Variants in ANKRD42 observed in about 807,000 individuals in gnomAD.
The protein encoded by ANKRD42 is ankyrin repeat domain-containing protein 42.
In ANKRD42, 43 loss-of-function variants were observed where a neutral mutation model predicts 51.5. The observed-to-expected ratio is 0.83, with a 90% CI of 0.65 to 1.08. The LOEUF (loss-of-function observed/expected upper bound fraction) is 1.08. Ranked by LOEUF, ANKRD42 falls within the 50% of genes least tolerant of loss-of-function variation. The pLI is 0.00. For missense variants in ANKRD42, 608 were observed against 629.3 expected (o/e 0.97, Z 0.36); for synonymous variants, 203 against 213.0 (o/e 0.95, Z 0.41).
intron 7 of ANKRD42, 38 bp from the exon 8 acceptor site, chr11:83,236,366 T>A: frequency 6.5e-7 from 1 of 1,540,202 alleles, no homozygotes; most frequent in African/African-American, 1.4e-5. Flanking sequence ...CTAACTTTTT[T>A]GTGTGTAATT....
At chr11:83,210,809 C>A (rs1862286050) in intron 4 of ANKRD42, among the ~76,000 whole-genome samples, 1 of 152,086 alleles carries the variant, frequency 6.6e-6, no homozygotes, top group Non-Finnish European at 1.5e-5. Context: ...TGATTTATTT[C>A]TTCAGAAATT....
intron 7 of ANKRD42, among the ~76,000 whole-genome samples, chr11:83,235,145 A>T (rs1863187673): frequency 6.6e-6 from 1 of 152,238 alleles, no homozygotes; most frequent in Non-Finnish European, 1.5e-5. Context: ...TTACACAATT[A>T]TACCATAAAA....
chr11:83,198,241 G>A (rs1334372133), intron 1 of ANKRD42, among the ~76,000 whole-genome samples: 2 of 152,316 alleles, frequency 1.3e-5, no homozygotes, highest in Non-Finnish European at 1.5e-5. Context: ...TCCAAGAAAA[G>A]TTGTTCATTT....
chr11:83,222,986 A>T (rs905504976), intron 5 of ANKRD42, among the ~76,000 whole-genome samples: 1 of 152,168 alleles, frequency 6.6e-6, no homozygotes, highest in Non-Finnish European at 1.5e-5. Flanking sequence ...ATGGTGGCCC[A>T]TGCTTGTAGT....
chr11:83,224,976 C>T lies in ANKRD42; in HGVS notation c.708C>T (p.Ala236=). ...ATGGAGAAAATGTACTGGATTTGGC[C>T]CAGAGGTTCTTCAAGCAGAACATTT... ...NDNGENVLDL[A]QRFFKQNILQ... The change falls in exon 6 of 11, where the codon GCC becomes GCT. Residue 236 remains alanine, a synonymous_variant. Coordinates refer to ENST00000533342, the MANE Select transcript of ANKRD42 (RefSeq NM_001300975.2). 1 of 1,613,452 alleles carries T rather than the reference C, an allele frequency of 6.2e-7. No individual in the cohort carries two copies. The highest frequency in any genetic ancestry group is 8.5e-7 in the Non-Finnish European group (1 of 1,179,694).
intron 5 of ANKRD42, chr11:83,212,982 G>A (rs539566337): frequency 1.0e-5 from 16 of 1,595,358 alleles, no homozygotes; most frequent in Non-Finnish European, 1.4e-5. Context: ...TACGGAGGTG[G>A]CAGCCATCTC....
At chr11:83,242,643 G>A (rs201504078) in intron 9 of ANKRD42, among the ~76,000 whole-genome samples, 3 of 146,296 alleles carry the variant, frequency 2.1e-5, no homozygotes, top group East Asian at 4.1e-4. Context: ...TTGGCTCACT[G>A]CAACCTCCGC....
intron 9 of ANKRD42, among the ~76,000 whole-genome samples, chr11:83,243,476 T>A (rs1344426295): frequency 6.6e-6 from 1 of 152,184 alleles, no homozygotes; most frequent in Non-Finnish European, 1.5e-5. Context: ...TAGAACAGGC[T>A]TTACGAAACA....
rs1440572505 is a variant in ANKRD42 at position 83,227,861 on chromosome 11, C to G, written c.902C>G (p.Pro301Arg). Residue 301 changes from proline (P) to arginine (R), a missense_variant, in exon 7 of 11, where the codon CCT (proline) becomes CGT (arginine). By Grantham distance (103) the Pro-to-Arg change is moderately radical. Transcript: ENST00000533342. ...GAGCGTGCTGATAATGGATCAACTCCTATGCATAAAGGTGAGTTATGATTC... is the reference window on the plus strand; with the variant it reads ...GAGCGTGCTGATAATGGATCAACTCGTATGCATAAAGGTGAGTTATGATTC... ...INERADNGSTPMHKAAGQGHI... is the reference protein window; with the variant it reads ...INERADNGSTRMHKAAGQGHI... The G allele has an allele frequency of 1.2e-6, 2 of 1,607,206 alleles. No homozygotes were observed. The highest frequency in any genetic ancestry group is 2.2e-5 in the East Asian group (1 of 44,718).
chr11:83,206,778 T>C (rs746080414), intron 3 of ANKRD42, among the ~76,000 whole-genome samples: 1 of 152,240 alleles, frequency 6.6e-6, no homozygotes, highest in Non-Finnish European at 1.5e-5. Flanking sequence ...TTTGTTATAG[T>C]AGTCCAAACA....
intron 8 of ANKRD42, among the ~76,000 whole-genome samples, chr11:83,236,802 G>C (rs1014296109): frequency 6.6e-6 from 1 of 152,120 alleles, no homozygotes; most frequent in Non-Finnish European, 1.5e-5. Flanking sequence ...CTGGAGGTCC[G>C]GTCTGGGAAT....
At chr11:83,233,850 T>C (rs1863151321) in intron 7 of ANKRD42, among the ~76,000 whole-genome samples, 1 of 152,156 alleles carries the variant, frequency 6.6e-6, no homozygotes, top group South Asian at 2.1e-4. Context: ...GCCCAACTGA[T>C]TTTTGTATTT....
downstream of ANKRD42, chr11:83,261,526 TAATA>T (rs1259590349): frequency 6.4e-6 from 1 of 156,716 alleles, no homozygotes; most frequent in Non-Finnish European, 1.4e-5. Flanking sequence ...GTTAATTCAG[TAATA>T]AATATGTAGG....
intron 7 of ANKRD42, among the ~76,000 whole-genome samples, chr11:83,232,101 CTTT>C (rs59648047): frequency 0.26 from 37,158 of 140,352 alleles, 4,557 homozygotes; most frequent in Middle Eastern, 0.42. Flanking sequence ...TAAATTTTAG[CTTT>C]TTTTTTTTTT....
In ANKRD42 at chr11:83,245,491, C is replaced by T. The variant is rs1465263902; in HGVS notation, c.1196-7C>T. 1 of 1,535,968 alleles carries T rather than the reference C, an allele frequency of 6.5e-7. No homozygotes were observed. Among genetic ancestry groups the T allele is most frequent in the African/African-American group, 1.4e-5 (1 of 73,126 alleles). ...TAACTAGGTTCCTACTCAACTCTGT[C>T]TTGCAGTGAGAGCTTACAAGAAAAT... On this transcript the variant is annotated splice_region_variant and splice_polypyrimidine_tract_variant and intron_variant, in intron 9 of 10. Transcript: ENST00000533342.
At chr11:83,249,210 T>C (rs991986571), downstream of ANKRD42, among the ~76,000 whole-genome samples, 1 of 152,094 alleles carries the variant, frequency 6.6e-6, no homozygotes, top group Non-Finnish European at 1.5e-5. Flanking sequence ...TTGTTCTTCG[T>C]TTTTTCTTTT....
At chr11:83,206,763 G>C (rs570942912) in intron 3 of ANKRD42, among the ~76,000 whole-genome samples, 1 of 152,178 alleles carries the variant, frequency 6.6e-6, no homozygotes, top group Non-Finnish European at 1.5e-5. Flanking sequence ...CCCAGTTTAT[G>C]ATATTTTGTT....
downstream of ANKRD42, among the ~76,000 whole-genome samples, chr11:83,253,349 A>G (rs1469772097): frequency 2.0e-5 from 3 of 152,218 alleles, no homozygotes; most frequent in Non-Finnish European, 4.4e-5. Context: ...CTGGTAAGCA[A>G]GAAGGTGGAA....
At chr11:83,217,993 T>C (rs1473721417) in intron 5 of ANKRD42, among the ~76,000 whole-genome samples, 1 of 152,174 alleles carries the variant, frequency 6.6e-6, no homozygotes, top group East Asian at 1.9e-4. Context: ...CTCCAAATTT[T>C]CTTCTGGGCC....
Sources: allele counts gnomAD v4.1 joint callset (sites outside exome capture counted in the v4.1 genomes callset), GRCh38; gene constraint gnomAD v4.1.1; transcripts MANE v1.5; gene names NCBI Gene and HGNC (gene_info 2026-07-23, HGNC 2026-07-21).